The following COL6A5 variants were observed in gnomAD, a reference collection of about 807,000 sequenced individuals.
COL6A5 encodes the protein collagen alpha-5(VI) chain.
COL6A5 carries 48 observed loss-of-function variants against 65.6 expected under a neutral mutation model. The observed-to-expected ratio is 0.73, with a 90% CI of 0.58 to 0.93. The LOEUF (loss-of-function observed/expected upper bound fraction) is 0.93, where lower values mean the gene tolerates loss of function less well. Ranked by LOEUF, COL6A5 falls within the 40% of genes least tolerant of loss-of-function variation. The pLI, the probability that COL6A5 is intolerant of heterozygous loss-of-function variation, is 0.00. For synonymous variants in COL6A5, 291 were observed against 322.8 expected (o/e 0.90, Z 1.05); for missense variants, 914 against 928.3 (o/e 0.98, Z 0.20).
intron 13 of COL6A5, 81 bp from the exon 14 acceptor site, chr3:130,405,507 T>A (rs2107668656): frequency 1.0e-6 from 1 of 985,230 alleles, no homozygotes; most frequent in Non-Finnish European, 1.6e-6. Context: ...ATGTGCTTTG[T>A]CTTAACTCTG....
chr3:130,389,075 A>G (rs1292769384), exon 6 of COL6A5: 1 of 1,480,890 alleles, frequency 6.8e-7, no homozygotes, highest in East Asian at 2.5e-5. Flanking sequence ...CATGTTGAGA[A>G]CTTCGATCAT....
chr3:130,480,762 C>G (rs748555845), intron 7 of COL6A5, among the ~76,000 whole-genome samples: 1 of 151,224 alleles, frequency 6.6e-6, no homozygotes, highest in African/African-American at 2.5e-5. Flanking sequence ...TTAAAGACAA[C>G]TAGGCTGGAA....
chr3:130,469,750 G>T (rs1323959364), intron 6 of COL6A5, among the ~76,000 whole-genome samples: 2 of 152,044 alleles, frequency 1.3e-5, no homozygotes, highest in Non-Finnish European at 2.9e-5. Context: ...TATGTGGCAG[G>T]TTCTTTAAAT....
rs1386536391 is a variant in COL6A5 at position 130,471,733 on chromosome 3, T to C, written c.2328+766T>C. On this transcript the variant is annotated intron_variant, in intron 7 of 7. Coordinates refer to ENST00000512836, the Ensembl canonical transcript of COL6A5. ...AGACAGAAAATGGTGATCTGTTTGATGAATTTGATTCCCAGGCACAACATC... is the reference window on the plus strand; with the variant it reads ...AGACAGAAAATGGTGATCTGTTTGACGAATTTGATTCCCAGGCACAACATC... 2.0e-6 allele frequency: 3 copies of C among 1,534,414 alleles called. No homozygotes were observed. The East Asian group carries it at 7.3e-5, about 38-fold the overall frequency.
intron 6 of COL6A5, among the ~76,000 whole-genome samples, chr3:130,470,142 A>G (rs546191293): frequency 4.9e-4 from 75 of 152,124 alleles, no homozygotes; most frequent in African/African-American, 1.8e-3. Flanking sequence ...GCTGGTAGGG[A>G]TTTTTTAGGG....
At chr3:130,438,810 C>T (rs1226681494) in intron 1 of COL6A5, among the ~76,000 whole-genome samples, 2 of 151,962 alleles carry the variant, frequency 1.3e-5, no homozygotes, top group Non-Finnish European at 2.9e-5. Flanking sequence ...AGTAAATGCC[C>T]AATAAAGAGT....
chr3:130,361,501 C>A (rs932244828), intron 1 of COL6A5, among the ~76,000 whole-genome samples: 1 of 152,002 alleles, frequency 6.6e-6, no homozygotes. Context: ...TTGTTTGCTT[C>A]CAAGTTTTGG....
intron 5 of COL6A5, among the ~76,000 whole-genome samples, chr3:130,460,657 G>A (rs1184420373): frequency 6.6e-6 from 1 of 152,014 alleles, no homozygotes; most frequent in Non-Finnish European, 1.5e-5. Flanking sequence ...TAGTGTTGGT[G>A]CTGGTCATGG....
exon 1 of COL6A5, chr3:130,431,815 G>A (rs1937826314): frequency 6.4e-7 from 1 of 1,551,638 alleles, no homozygotes; most frequent in Non-Finnish European, 8.7e-7. Context: ...CGTGAGGAGA[G>A]TTGCTGTGTT....
At position 130,416,400 on chromosome 3, in the gene COL6A5, C is replaced by T. The variant is rs16827520; in HGVS notation, c.4825-357C>T. Among the ~76,000 whole-genome samples, 1,101 of 152,156 alleles carry T rather than the reference C, an allele frequency of 7.2e-3. 17 individuals carry two copies. The highest frequency in any genetic ancestry group is 0.025 in the African/African-American group (1,041 of 41,520). On this transcript the variant is annotated intron_variant and NMD_transcript_variant, in intron 23 of 41. Coordinates refer to the COL6A5 transcript ENST00000312481. ...TGCCGTTATGTATGCACATATGGTA[C>T]GGGCACAAAGGTGGCAAAGTGTCTT...
chr3:130,421,081 T>C (rs1396251035), intron 25 of COL6A5, 72 bp from the exon 26 acceptor site: 1 of 1,383,784 alleles, frequency 7.2e-7, no homozygotes, highest in Non-Finnish European at 1.0e-6. Context: ...TCTGACACTG[T>C]AATCTCCCCA....
At chr3:130,389,344 T>C (rs771130386) in intron 6 of COL6A5, among the ~76,000 whole-genome samples, 6 of 152,084 alleles carry the variant, frequency 3.9e-5, no homozygotes, top group Non-Finnish European at 8.8e-5. Context: ...TAGTATGGCA[T>C]TGGTGACTTC....
chr3:130,438,968 T>G (rs1289057742), intron 1 of COL6A5, among the ~76,000 whole-genome samples: 1 of 152,174 alleles, frequency 6.6e-6, no homozygotes, highest in African/African-American at 2.4e-5. Context: ...CTTTTTGAAA[T>G]AGACTTTTAA....
intron 5 of COL6A5, among the ~76,000 whole-genome samples, chr3:130,463,378 G>T (rs527659412): frequency 7.2e-5 from 11 of 152,136 alleles, no homozygotes; most frequent in African/African-American, 2.6e-4. Flanking sequence ...TCCCACAAAT[G>T]CCATGAAAGG....
At chr3:130,356,736 A>AT (rs1333158935) in intron 1 of COL6A5, among the ~76,000 whole-genome samples, 1 of 152,174 alleles carries the variant, frequency 6.6e-6, no homozygotes, top group Non-Finnish European at 1.5e-5. Flanking sequence ...AAATCTCTTG[A>AT]TTTTCAATTG....
chr3:130,403,590 G>C lies in COL6A5; in HGVS notation c.4228-19G>C, dbSNP rs545141463. 4.5e-5 allele frequency: 69 copies of C among 1,548,458 alleles called. No homozygotes were observed. In the East Asian group the frequency reaches 7.8e-4, roughly 18 times the overall value. On this transcript the variant is annotated intron_variant and NMD_transcript_variant, in intron 12 of 41. Transcript: ENST00000312481. ...TGGGGGGGGGTGACTAAAATGTATT[G>C]TTCTCTCTTTCTTCCCAGGGTTCTC...
In COL6A5 at chr3:130,354,091, AAAAG is replaced by A. The variant is rs780831781; in HGVS notation, c.-29+8113_-29+8116del. Among the ~76,000 whole-genome samples, 1,458 of 151,986 alleles carry A rather than the reference AAAAG, an allele frequency of 9.6e-3. 14 individuals carry two copies. Among genetic ancestry groups the A allele is most frequent in the South Asian group, 0.078 (373 of 4,786 alleles). On this transcript the variant is annotated intron_variant and NMD_transcript_variant, in intron 1 of 41. Coordinates refer to the COL6A5 transcript ENST00000312481. ...AAAGAAAAGAAAAGAACAAAAAAAG[AAAAG>A]AAGAAAGAGAAAGAAAGGGGAAGGA...
At chr3:130,377,986 A>G (rs1160600013) in intron 3 of COL6A5, among the ~76,000 whole-genome samples, 1 of 152,208 alleles carries the variant, frequency 6.6e-6, no homozygotes, top group Non-Finnish European at 1.5e-5. Flanking sequence ...TACTGGAGGA[A>G]TAGTGATAAG....
intron 3 of COL6A5, among the ~76,000 whole-genome samples, chr3:130,378,758 C>G (rs1426952661): frequency 6.6e-6 from 1 of 151,954 alleles, no homozygotes; most frequent in East Asian, 1.9e-4. Flanking sequence ...TTTCTCAACC[C>G]ACATGTGATC....
Sources: gnomAD v4.1 joint callset for allele counts (sites outside exome capture counted in the v4.1 genomes callset) on GRCh38, gnomAD v4.1.1 for gene constraint, MANE v1.5 for transcripts, NCBI Gene and HGNC (gene_info 2026-07-23, HGNC 2026-07-21) for gene names.